Variants in AHCTF1 observed in about 807,000 individuals in gnomAD.
The protein encoded by AHCTF1 is protein ELYS.
Under a neutral mutation model 248.4 loss-of-function variants are expected in AHCTF1, and 24 were observed. The ratio of observed to expected loss-of-function variants is 0.10; its 90% CI spans 0.07 to 0.14. The LOEUF is 0.14. Among genes scored for constraint, AHCTF1 ranks in the 10% least tolerant of loss-of-function variants. AHCTF1 has a pLI of 1.00. For missense variants in AHCTF1, 2,206 were observed against 2,636.2 expected, an observed-to-expected ratio of 0.84 and a Z score of 3.57; for synonymous variants, 786 against 929.8, an observed-to-expected ratio of 0.85 and a Z score of 2.81.
At chr1:246,900,043 G>A in intron 10 of AHCTF1, 22 bp downstream of exon 10, 1 of 1,582,740 alleles carries the variant, frequency 6.3e-7, no homozygotes, top group Non-Finnish European at 8.6e-7. Context: ...TTCTTAAGAG[G>A]TAATGTTAAG....
intron 4 of AHCTF1, among the ~76,000 whole-genome samples, chr1:246,909,423 A>T (rs910900736): frequency 1.6e-5 from 2 of 126,648 alleles, no homozygotes; most frequent in African/African-American, 3.2e-5. Flanking sequence ...AAAAAAAAAA[A>T]TTTGCATGCT....
intron 1 of AHCTF1, chr1:246,931,208 G>A (rs1379562953): frequency 2.6e-6 from 4 of 1,550,316 alleles, no homozygotes; most frequent in South Asian, 1.2e-5. Context: ...CTCGGGGAAA[G>A]GCCCGCCAAC....
chr1:246,908,607 G>A (rs529089515), intron 4 of AHCTF1, among the ~76,000 whole-genome samples: 1 of 151,846 alleles, frequency 6.6e-6, no homozygotes, highest in Non-Finnish European at 1.5e-5. Context: ...AGAATCTTAG[G>A]CCGGGCACGG....
At chr1:246,909,105 A>ATCTATCTG (rs1449681391) in intron 4 of AHCTF1, among the ~76,000 whole-genome samples, 19 of 150,014 alleles carry the variant, frequency 1.3e-4, no homozygotes, top group Non-Finnish European at 2.5e-4. Flanking sequence ...CTATCTATCT[A>ATCTATCTG]TCTATTTATA....
chr1:246,926,986 A>G (rs749036247), intron 1 of AHCTF1, among the ~76,000 whole-genome samples: 33 of 151,720 alleles, frequency 2.2e-4, no homozygotes, highest in East Asian at 1.9e-4. Context: ...CATCCTGGCT[A>G]ACAAGGTGAA....
intron 34 of AHCTF1, 26 bp downstream of exon 34, chr1:246,843,769 T>G: frequency 7.4e-7 from 1 of 1,349,790 alleles, no homozygotes; most frequent in Non-Finnish European, 9.6e-7. Context: ...TTAACAAACA[T>G]ACAAATAAAA....
chr1:246,856,631 T>C (rs982174577), intron 30 of AHCTF1, among the ~76,000 whole-genome samples: 4 of 152,202 alleles, frequency 2.6e-5, no homozygotes, highest in Non-Finnish European at 5.9e-5. Flanking sequence ...CAATTATCCA[T>C]GAAAGCCATT....
chr1:246,853,660 G>T (rs59476689), intron 31 of AHCTF1, among the ~76,000 whole-genome samples: 5,036 of 149,900 alleles, frequency 0.034, 298 homozygotes, highest in African/African-American at 0.12. Flanking sequence ...ATTACATGAG[G>T]AACATGCAAT....
chr1:246,917,382 T>C (rs938207731), intron 2 of AHCTF1, among the ~76,000 whole-genome samples: 10 of 152,164 alleles, frequency 6.6e-5, no homozygotes, highest in African/African-American at 2.2e-4. Flanking sequence ...AGTACATTAG[T>C]TGGATATGTA....
At position 246,851,102 on chromosome 1, in the gene AHCTF1, T is replaced by C. The variant is rs1280282914; in HGVS notation, c.4904A>G (p.His1635Arg). The change falls in exon 33 of 36, where the codon CAT (histidine) becomes CGT (arginine). Residue 1635 changes from histidine (H) to arginine (R), a missense_variant. Coordinates refer to ENST00000648844, the MANE Select transcript of AHCTF1 (RefSeq NM_001323342.2). ...KLVCSGENDN[H>R]GQIANLPSAV... ...AGATGGCAAATTTGCAATTTGTCCA[T>C]GATTATCATTTTCCCCACTGCATAC... 1.2e-6 allele frequency: 2 copies of C among 1,613,864 alleles called. No homozygotes were observed. Among genetic ancestry groups the C allele is most frequent in the Non-Finnish European group, 1.7e-6 (2 of 1,179,880 alleles).
Position 246,861,010 on chromosome 1 carries a change from T to G in AHCTF1, c.4021A>C (p.Lys1341Gln). 2 of 1,613,986 alleles carry G rather than the reference T, an allele frequency of 1.2e-6. No homozygotes were observed. Among genetic ancestry groups the G allele is most frequent in the East Asian group, 4.5e-5 (2 of 44,882 alleles). ...GTAGTTAGTGCAGTGGAAGAGCTTT[T>G]GGGCTTAGAGGCCGTGAAAACAGTC... Reference protein sequence around the residue: ...EETVFTASKPKSSSTALTTNV... With the variant: ...EETVFTASKPQSSSTALTTNV... The change falls in exon 29 of 36, where the codon AAA (lysine) becomes CAA (glutamine). Residue 1341 changes from lysine (K) to glutamine (Q), a missense_variant. Physicochemically the swap from Lys to Gln is moderately conservative, Grantham distance 53 (BLOSUM62 1). Coordinates refer to ENST00000648844, the MANE Select transcript of AHCTF1 (RefSeq NM_001323342.2).
At chr1:246,926,489 A>G (rs1323094158) in intron 1 of AHCTF1, among the ~76,000 whole-genome samples, 3 of 152,246 alleles carry the variant, frequency 2.0e-5, no homozygotes, top group Non-Finnish European at 4.4e-5. Context: ...CAGCCTTTGA[A>G]TCTATAGGGC....
chr1:246,853,524 T>C (rs1296338341), intron 31 of AHCTF1, among the ~76,000 whole-genome samples: 1 of 152,176 alleles, frequency 6.6e-6, no homozygotes. Context: ...ATAAACGGTA[T>C]CAGGAAACAT....
chr1:246,862,084 T>G lies in AHCTF1; in HGVS notation c.3610A>C (p.Arg1204=). Residue 1204 remains arginine (R), a synonymous_variant, in exon 28 of 36, where the codon AGG becomes CGG. Transcript: ENST00000648844. ...FSEFTPQSIL[R]STLRSTPLAS... Reference sequence around the variant, plus strand: ...AAAGGTGTTGATCGAAGAGTAGACCTCAGGATGGACTGAGGAGTGAACTCA... The same window carrying G: ...AAAGGTGTTGATCGAAGAGTAGACCGCAGGATGGACTGAGGAGTGAACTCA... The G allele has an allele frequency of 6.2e-7, 1 of 1,612,940 alleles. No homozygotes were observed. The highest frequency in any genetic ancestry group is 1.1e-5 in the South Asian group (1 of 91,000).
At chr1:246,858,363 A>G (rs902626147) in intron 29 of AHCTF1, among the ~76,000 whole-genome samples, 1 of 152,196 alleles carries the variant, frequency 6.6e-6, no homozygotes, top group Non-Finnish European at 1.5e-5. Context: ...TTTTATATAC[A>G]TTAACTTACT....
chr1:246,843,978 A>G lies in AHCTF1; in HGVS notation c.6392-50T>C, dbSNP rs533231401. The G allele has an allele frequency of 1.0e-4, 121 of 1,213,002 alleles. 1 individual carries two copies. The highest frequency in any genetic ancestry group is 1.2e-4 in the Non-Finnish European group (110 of 926,752). 75.1% of individuals were successfully genotyped at this position (1,213,002 alleles called of 1,614,324 possible). ...TCTGTATCTTTATATATGTGTGTAT[A>G]TATATAAACACAATAAAAACCTGGA... On this transcript the variant is annotated intron_variant, in intron 33 of 35. Transcript: ENST00000648844.
chr1:246,922,802 G>A (rs537698570), intron 1 of AHCTF1, among the ~76,000 whole-genome samples: 7 of 150,846 alleles, frequency 4.6e-5, no homozygotes, highest in African/African-American at 1.2e-4. Context: ...ATAACACGGT[G>A]AAACCCTGTC....
In AHCTF1 at chr1:246,840,962, G is replaced by A; in HGVS notation, c.6645C>T (p.Pro2215=). ...TEKESAWSPP[P]IEIRLISPLA... The stretch of plus-strand genomic sequence containing the variant: ...AGGGGGAAATCAGCCGAATTTCTAT[G>A]GGAGGAGGTGACCAAGCACTTTCTT... Residue 2215 remains proline (P), a synonymous_variant, in exon 36 of 36, where the codon CCC becomes CCT. Transcript: ENST00000648844. The A allele has an allele frequency of 6.2e-7, 1 of 1,610,812 alleles. No homozygotes were observed. The highest frequency in any genetic ancestry group is 8.5e-7 in the Non-Finnish European group (1 of 1,179,090).
chr1:246,911,826 C>T (rs1318719711), intron 4 of AHCTF1, among the ~76,000 whole-genome samples: 1 of 151,816 alleles, frequency 6.6e-6, no homozygotes, highest in African/African-American at 2.4e-5. Context: ...ACCATTATTT[C>T]TGCCAAATCA....
Sources: allele counts gnomAD v4.1 joint callset (sites outside exome capture counted in the v4.1 genomes callset), GRCh38; gene constraint gnomAD v4.1.1; transcripts MANE v1.5; gene names NCBI Gene and HGNC (gene_info 2026-07-23, HGNC 2026-07-21).